ANK2: variants seen among roughly 807,000 people sequenced by gnomAD.
ANK2 encodes ankyrin-2.
Under a neutral mutation model 360.5 loss-of-function variants are expected in ANK2, and 83 were observed. That is an observed-to-expected ratio of 0.23 (90% confidence interval 0.19 to 0.28). ANK2 has a LOEUF of 0.28. Among genes scored for constraint, ANK2 ranks in the 10% least tolerant of loss-of-function variants. The probability of loss-of-function intolerance (pLI) is 1.00; values close to 1 mark genes in which losing one functional copy is unlikely to be tolerated. For synonymous variants in ANK2, 1,740 were observed against 1,759.5 expected (o/e 0.99, Z 0.28); for missense variants, 4,201 against 4,795.7 (o/e 0.88, Z 3.66).
intron 38 of ANK2, among the ~76,000 whole-genome samples, 160 bp downstream of exon 38, chr4:113,359,459 C>T (rs1339675704): frequency 6.6e-6 from 1 of 152,118 alleles, no homozygotes; most frequent in African/African-American, 2.4e-5. Context: ...TGTGCTTTCT[C>T]TGTATACTCT....
At chr4:113,079,972 C>T (rs1186368710) in intron 1 of ANK2, among the ~76,000 whole-genome samples, 1 of 150,270 alleles carries the variant, frequency 6.7e-6, no homozygotes, top group Non-Finnish European at 1.5e-5. Context: ...GATCTCAGCT[C>T]ACTGCAGCCT....
intron 1 of ANK2, among the ~76,000 whole-genome samples, chr4:113,161,430 A>G (rs187849311): frequency 6.6e-6 from 1 of 152,298 alleles, no homozygotes; most frequent in East Asian, 1.9e-4. Context: ...TTTTCAGCCA[A>G]TGCTATCTTT....
At chr4:112,760,102 T>C in the ANK2 span, among the ~76,000 whole-genome samples, 1 of 152,132 alleles carries the variant, frequency 6.6e-6, no homozygotes, top group Non-Finnish European at 1.5e-5. Context: ...GTTGACTGTT[T>C]GGTTTCACCC....
At chr4:112,723,158 C>T in the ANK2 span, among the ~76,000 whole-genome samples, 1 of 152,090 alleles carries the variant, frequency 6.6e-6, no homozygotes, top group Non-Finnish European at 1.5e-5. Context: ...ATAGATCTCA[C>T]GAACCTGGAA....
chr4:112,877,636 A>C (rs2075499614), intron 1 of ANK2, among the ~76,000 whole-genome samples: 1 of 152,226 alleles, frequency 6.6e-6, no homozygotes, highest in African/African-American at 2.4e-5. Flanking sequence ...AAAATTATTA[A>C]GAATTTCAAG....
chr4:112,746,892 T>C, the ANK2 span, among the ~76,000 whole-genome samples: 1,660 of 152,312 alleles, frequency 0.011, 41 homozygotes, highest in African/African-American at 0.037. Flanking sequence ...ACTTCAAATA[T>C]ATTCAAATAT....
chr4:112,961,789 G>C (rs2034962291), intron 2 of ANK2, among the ~76,000 whole-genome samples: 1 of 152,140 alleles, frequency 6.6e-6, no homozygotes, highest in African/African-American at 2.4e-5. Flanking sequence ...AGCTGAGTTT[G>C]TGAGAAGTCA....
chr4:113,323,795 G>A lies in ANK2; in HGVS notation c.2900+5175G>A, dbSNP rs760991174. ...CATGTCTTGAACGTGACAACAGCAG[G>A]TGAACTACTGCATAATTCTTTCTCT... is the stretch of plus-strand genomic sequence containing the variant. On this transcript the variant is annotated intron_variant, in intron 26 of 45. Transcript: ENST00000357077. 2 of 1,611,212 alleles carry A rather than the reference G, an allele frequency of 1.2e-6. No homozygotes were observed. The highest frequency in any genetic ancestry group is 1.7e-6 in the Non-Finnish European group (2 of 1,178,074).
chr4:112,787,979 T>A, the ANK2 span: 2 of 651,732 alleles, frequency 3.1e-6, no homozygotes, highest in Non-Finnish European at 2.7e-6. Flanking sequence ...GATTAGTGAG[T>A]CATTACAGAG....
Position 113,282,838 on chromosome 4 carries a change from T to C in ANK2, c.2045T>C (p.Leu682Pro). Reference protein sequence around the residue: ...EGHTDMVTLLLDKGANIHMST... With the variant: ...EGHTDMVTLLPDKGANIHMST... ...CACACAGATATGGTTACCTTGCTTC[T>C]GGATAAGGGAGCCAATATCCACATG... The change falls in exon 18 of 46, where the codon CTG (leucine) becomes CCG (proline). Residue 682 changes from leucine (L) to proline (P), a missense_variant. Leu to Pro is a moderately conservative substitution (Grantham distance 98). Coordinates refer to ENST00000357077, the MANE Select transcript of ANK2 (RefSeq NM_001148.6). 5 of 1,614,054 alleles carry C rather than the reference T, an allele frequency of 3.1e-6. No individual in the cohort carries two copies. The highest frequency in any genetic ancestry group is 4.2e-6 in the Non-Finnish European group (5 of 1,179,948).
At chr4:112,765,505 T>C in the ANK2 span, among the ~76,000 whole-genome samples, 3 of 152,218 alleles carry the variant, frequency 2.0e-5, no homozygotes, top group Non-Finnish European at 4.4e-5. Flanking sequence ...ATAGGTGGCC[T>C]CAAGCATTCT....
At chr4:113,027,323 G>A (rs2059485244) in intron 2 of ANK2, among the ~76,000 whole-genome samples, 1 of 152,104 alleles carries the variant, frequency 6.6e-6, no homozygotes, top group South Asian at 2.1e-4. Flanking sequence ...TCTCTCCTGT[G>A]TCTGAAAATC....
chr4:112,870,735 TC>T (rs1187627724), intron 1 of ANK2, among the ~76,000 whole-genome samples: 1 of 152,226 alleles, frequency 6.6e-6, no homozygotes, highest in Non-Finnish European at 1.5e-5. Flanking sequence ...CCAACCTTGT[TC>T]TTTGTTCTTC....
intron 40 of ANK2, among the ~76,000 whole-genome samples, chr4:113,364,389 A>G (rs1301095519): frequency 6.6e-6 from 1 of 152,220 alleles, no homozygotes; most frequent in African/African-American, 2.4e-5. Flanking sequence ...AGAACAAGCT[A>G]CTGTCACTTC....
chr4:113,312,129 G>A (rs1398518532), intron 24 of ANK2, among the ~76,000 whole-genome samples: 1 of 151,388 alleles, frequency 6.6e-6, no homozygotes, highest in Non-Finnish European at 1.5e-5. Context: ...GATAAGTTGG[G>A]CCATGAATAT....
At chr4:113,073,907 G>A (rs144813436) in intron 1 of ANK2, among the ~76,000 whole-genome samples, 1 of 152,294 alleles carries the variant, frequency 6.6e-6, no homozygotes, top group Non-Finnish European at 1.5e-5. Context: ...CAGTATGTTT[G>A]CTGCTGAAAA....
At chr4:112,942,551 G>A (rs1393525660) in intron 2 of ANK2, among the ~76,000 whole-genome samples, 4 of 151,868 alleles carry the variant, frequency 2.6e-5, no homozygotes, top group Non-Finnish European at 4.4e-5. Context: ...GTGTACTGCC[G>A]CTTATGAGAA....
chr4:113,202,762 C>T (rs1406869257), intron 4 of ANK2, among the ~76,000 whole-genome samples: 3 of 152,138 alleles, frequency 2.0e-5, no homozygotes, highest in South Asian at 2.1e-4. Context: ...TGAGGCTTAC[C>T]GCCACATGAT....
chr4:113,051,556 G>C (rs2067015191), intron 1 of ANK2, among the ~76,000 whole-genome samples: 1 of 152,126 alleles, frequency 6.6e-6, no homozygotes, highest in Admixed American at 6.5e-5. Flanking sequence ...GTGTGTGTCA[G>C]AGCACCATGA....
Sources: allele counts gnomAD v4.1 joint callset (sites outside exome capture counted in the v4.1 genomes callset), GRCh38; gene constraint gnomAD v4.1.1; transcripts MANE v1.5; gene names NCBI Gene and HGNC (gene_info 2026-07-23, HGNC 2026-07-21).